The following ZMYM4 variants were observed in gnomAD, a reference collection of about 807,000 sequenced individuals.
ZMYM4 encodes zinc finger MYM-type protein 4.
A neutral mutation model predicts 183.2 loss-of-function variants in ZMYM4; 31 were observed. The ratio of observed to expected loss-of-function variants is 0.17; its 90% CI spans 0.13 to 0.23. ZMYM4 has a LOEUF of 0.23. Among genes scored for constraint, ZMYM4 ranks in the 10% least tolerant of loss-of-function variants. The pLI, the probability that ZMYM4 is intolerant of heterozygous loss-of-function variation, is 1.00. For synonymous variants in ZMYM4, 592 were observed against 631.2 expected (o/e 0.94, Z 0.93); for missense variants, 1,273 against 1,840.3 (o/e 0.69, Z 5.64).
chr1:35,320,434 G>C (rs1438977889), intron 1 of ZMYM4, among the ~76,000 whole-genome samples: 1 of 152,188 alleles, frequency 6.6e-6, no homozygotes, highest in Non-Finnish European at 1.5e-5. Flanking sequence ...ATCATCCTAT[G>C]CATCTCTTTC....
At chr1:35,284,217 C>T (rs1187521091) in intron 1 of ZMYM4, among the ~76,000 whole-genome samples, 2 of 151,684 alleles carry the variant, frequency 1.3e-5, no homozygotes, top group Admixed American at 6.6e-5. Context: ...ACCTCATGAT[C>T]CACCTGCCTC....
At position 35,370,367 on chromosome 1, in the gene ZMYM4, T is replaced by TTTTTA; in HGVS notation, c.926-5_926-4insTTTTA. 1.5e-6 allele frequency: 2 copies of TTTTTA among 1,306,360 alleles called. No homozygotes were observed. The allele number at this position is 1,306,360 out of a possible 1,614,324, so 80.9% of individuals were successfully genotyped here. A position where few individuals can be genotyped will look rare whatever the true frequency, so the allele number is the denominator to read the frequency against. On this transcript the variant is annotated splice_region_variant and splice_polypyrimidine_tract_variant and intron_variant, in intron 6 of 29. Transcript: ENST00000314607. ...TTTTTTTTTTTTTTTTTTTTTTTTTTAAAGCTCCACAGTTGACTACTGGCT... is the reference window on the plus strand; with the variant it reads ...TTTTTTTTTTTTTTTTTTTTTTTTTTTTTTAAAAGCTCCACAGTTGACTACTGGCT...
intron 1 of ZMYM4, among the ~76,000 whole-genome samples, chr1:35,310,117 G>A (rs181887530): frequency 4.0e-5 from 6 of 151,890 alleles, no homozygotes; most frequent in Admixed American, 2.0e-4. Flanking sequence ...TTTTTTTTTA[G>A]TAGAGATGGG....
At chr1:35,285,887 A>G (rs1389664208) in intron 1 of ZMYM4, among the ~76,000 whole-genome samples, 2 of 152,162 alleles carry the variant, frequency 1.3e-5, no homozygotes, top group East Asian at 1.9e-4. Context: ...AAAAGAGGGG[A>G]ATTTCCTCAA....
chr1:35,310,984 A>G (rs2148781266), intron 1 of ZMYM4, among the ~76,000 whole-genome samples: 1 of 152,222 alleles, frequency 6.6e-6, no homozygotes. Context: ...AGATTCTTAT[A>G]AACACCACCG....
Position 35,405,194 on chromosome 1 carries a change from G to C in ZMYM4, c.3700G>C (p.Gly1234Arg). ...AGAGCAGGGGGATCTAAAATGTGGA[G>C]GTAAGTGCACAGCATGAATTGTATC... ...KEEQGDLKCG[G>R]VEQASSSPRS... Residue 1234 changes from glycine (G) to arginine (R), a missense_variant and splice_region_variant, in exon 24 of 30, where the codon GGG becomes CGG. Physicochemically the swap from Gly to Arg is moderately radical, Grantham distance 125. Transcript: ENST00000314607. The C allele has an allele frequency of 1.2e-6, 2 of 1,613,692 alleles. No homozygotes were observed. The highest frequency in any genetic ancestry group is 2.2e-5 in the South Asian group (2 of 91,022).
chr1:35,331,175 C>T (rs2148833261), intron 2 of ZMYM4, among the ~76,000 whole-genome samples: 3 of 152,122 alleles, frequency 2.0e-5, no homozygotes, highest in Non-Finnish European at 4.4e-5. Flanking sequence ...TATTTGGATC[C>T]TTCAAACATT....
At chr1:35,399,093 G>C in intron 22 of ZMYM4, 50 bp downstream of exon 22, 1 of 1,569,682 alleles carries the variant, frequency 6.4e-7, no homozygotes, top group Non-Finnish European at 8.7e-7. Context: ...TTAAAAGATC[G>C]GTACAACTCT....
chr1:35,314,462 T>G (rs1641948279), intron 1 of ZMYM4, among the ~76,000 whole-genome samples: 1 of 151,528 alleles, frequency 6.6e-6, no homozygotes, highest in African/African-American at 2.4e-5. Context: ...TTTTTGTATT[T>G]TTAGTAGAGA....
intron 3 of ZMYM4, among the ~76,000 whole-genome samples, chr1:35,360,427 C>T (rs1392209867): frequency 6.6e-6 from 1 of 152,016 alleles, no homozygotes; most frequent in Non-Finnish European, 1.5e-5. Flanking sequence ...TGTATTTCTT[C>T]TAACAATGCT....
intron 20 of ZMYM4, 72 bp downstream of exon 20, chr1:35,397,617 T>C: frequency 1.5e-6 from 2 of 1,374,998 alleles, no homozygotes; most frequent in Non-Finnish European, 1.9e-6. Context: ...CAAGTAATTT[T>C]AAGTATAAGA....
At chr1:35,287,744 T>C (rs754408904) in intron 1 of ZMYM4, among the ~76,000 whole-genome samples, 17 of 152,136 alleles carry the variant, frequency 1.1e-4, no homozygotes, top group Admixed American at 2.0e-4. Context: ...TAGCTGGGAT[T>C]ACAGGCATGC....
At position 35,370,130 on chromosome 1, in the gene ZMYM4, A is replaced by T; in HGVS notation, c.925+17A>T. On this transcript the variant is annotated intron_variant, in intron 6 of 29. Coordinates refer to ENST00000314607, the MANE Select transcript of ZMYM4 (RefSeq NM_005095.3). ...GCCCTCTTGGTAAGAAACAGACCTG[A>T]ATAAATGGATTGTGTATGTTCTGAC... The T allele has an allele frequency of 6.2e-7, 1 of 1,610,342 alleles. No individual in the cohort carries two copies. The highest frequency in any genetic ancestry group is 8.5e-7 in the Non-Finnish European group (1 of 1,177,198).
intron 23 of ZMYM4, among the ~76,000 whole-genome samples, chr1:35,404,542 A>G (rs971913728): frequency 2.0e-5 from 3 of 152,278 alleles, no homozygotes; most frequent in East Asian, 1.9e-4. Flanking sequence ...TTGTGATTGC[A>G]TGTGTCCTTT....
intron 1 of ZMYM4, among the ~76,000 whole-genome samples, chr1:35,312,054 T>A (rs1481525344): frequency 6.6e-6 from 1 of 152,092 alleles, no homozygotes; most frequent in Non-Finnish European, 1.5e-5. Flanking sequence ...ACCCTGCCTG[T>A]TTTTCTTTCT....
chr1:35,298,005 A>G (rs941953719), intron 1 of ZMYM4, among the ~76,000 whole-genome samples: 1 of 152,244 alleles, frequency 6.6e-6, no homozygotes, highest in Non-Finnish European at 1.5e-5. Flanking sequence ...AAGATACAGA[A>G]TAACAGTAGA....
intron 23 of ZMYM4, among the ~76,000 whole-genome samples, chr1:35,399,797 C>T (rs1340182987): frequency 6.6e-6 from 1 of 151,832 alleles, no homozygotes; most frequent in Non-Finnish European, 1.5e-5. Context: ...TTTTATATTG[C>T]TTTGTTTACT....
intron 15 of ZMYM4, 40 bp downstream of exon 15, chr1:35,390,138 A>G (rs755481698): frequency 1.3e-5 from 21 of 1,586,336 alleles, no homozygotes; most frequent in Admixed American, 3.5e-5. Flanking sequence ...TCTTTGGTCA[A>G]TACTAGGAAC....
intron 1 of ZMYM4, among the ~76,000 whole-genome samples, chr1:35,303,095 CAA>C (rs1297632442): frequency 2.7e-5 from 3 of 110,576 alleles, no homozygotes; most frequent in Non-Finnish European, 2.0e-5. Flanking sequence ...GGAAACCTGG[CAA>C]AAAAAAAAAA....
Sources: allele counts gnomAD v4.1 joint callset (sites outside exome capture counted in the v4.1 genomes callset), GRCh38; gene constraint gnomAD v4.1.1; transcripts MANE v1.5; gene names NCBI Gene and HGNC (gene_info 2026-07-23, HGNC 2026-07-21).